ZFHX3: variants seen among roughly 807,000 people sequenced by gnomAD.
ZFHX3 encodes zinc finger homeobox protein 3.
Under a neutral mutation model 279.1 loss-of-function variants are expected in ZFHX3, and 42 were observed. The observed-to-expected ratio is 0.15, with a 90% CI of 0.12 to 0.19. The LOEUF is 0.19. ZFHX3 is among the 10% of genes least tolerant of loss of function. The pLI, the probability that ZFHX3 is intolerant of heterozygous loss-of-function variation, is 1.00. For synonymous variants in ZFHX3, 2,293 were observed against 1,957.8 expected (o/e 1.17, Z -4.52); for missense variants, 4,981 against 4,754.0 (o/e 1.05, Z -1.40).
chr16:73,417,449 T>A (rs1191163977), intron 3 of ZFHX3, among the ~76,000 whole-genome samples: 1 of 148,668 alleles, frequency 6.7e-6, no homozygotes, highest in Non-Finnish European at 1.5e-5. Flanking sequence ...CCAGTTTGTC[T>A]TCAAACTCCT....
intron 2 of ZFHX3, among the ~76,000 whole-genome samples, chr16:73,560,019 G>A (rs2143787203): frequency 6.6e-6 from 1 of 152,210 alleles, no homozygotes; most frequent in East Asian, 1.9e-4. Context: ...AAAAGGGCTT[G>A]TTTCACTTGA....
intron 3 of ZFHX3, among the ~76,000 whole-genome samples, chr16:72,895,734 G>A (rs1796172843): frequency 6.6e-6 from 1 of 152,222 alleles, no homozygotes; most frequent in Non-Finnish European, 1.5e-5. Context: ...TGAGGCAGGA[G>A]GATCACTTGA....
chr16:73,277,146 G>A (rs1201141277), intron 4 of ZFHX3, among the ~76,000 whole-genome samples: 24 of 152,200 alleles, frequency 1.6e-4, no homozygotes, highest in Non-Finnish European at 5.9e-5. Flanking sequence ...CTTGCTATGG[G>A]CTTGGCAAAC....
chr16:73,305,499 G>A (rs1285448607), intron 4 of ZFHX3, among the ~76,000 whole-genome samples: 1 of 151,968 alleles, frequency 6.6e-6, no homozygotes, highest in African/African-American at 2.4e-5. Context: ...AGACACCCCT[G>A]CAGCTTAGGA....
chr16:72,923,219 C>T (rs776743523), intron 3 of ZFHX3, among the ~76,000 whole-genome samples: 7 of 152,090 alleles, frequency 4.6e-5, no homozygotes, highest in African/African-American at 7.2e-5. Flanking sequence ...GTGGGAGGAT[C>T]GATCGCTCGA....
intron 1 of ZFHX3, among the ~76,000 whole-genome samples, chr16:73,781,322 C>T (rs964567878): frequency 3.9e-5 from 6 of 152,142 alleles, no homozygotes; most frequent in Non-Finnish European, 5.9e-5. Context: ...TTAAGCAGCT[C>T]GATTATAAGG....
chr16:73,374,725 C>T (rs1225899847), intron 3 of ZFHX3, among the ~76,000 whole-genome samples: 1 of 152,022 alleles, frequency 6.6e-6, no homozygotes, highest in Non-Finnish European at 1.5e-5. Context: ...CTCTTTTTGT[C>T]CTGGGTTTTT....
At chr16:73,688,019 G>A (rs1009987601) in intron 1 of ZFHX3, among the ~76,000 whole-genome samples, 1 of 151,990 alleles carries the variant, frequency 6.6e-6, no homozygotes, top group African/African-American at 2.4e-5. Context: ...GTGGACATGG[G>A]ACATTATGGC....
At chr16:73,739,504 CT>C in intron 1 of ZFHX3, among the ~76,000 whole-genome samples, 1 of 152,184 alleles carries the variant, frequency 6.6e-6, no homozygotes, top group Non-Finnish European at 1.5e-5. Flanking sequence ...AGGGAAATGT[CT>C]CCCCAAATTG....
At chr16:72,960,681 A>G (rs62053194) in intron 1 of ZFHX3, among the ~76,000 whole-genome samples, 10,110 of 152,222 alleles carry the variant, frequency 0.066, 367 homozygotes, top group Non-Finnish European at 0.074. Flanking sequence ...GGGAGGTTCA[A>G]TGTCCCTGGA....
At chr16:73,435,357 C>T (rs1399464019) in intron 3 of ZFHX3, among the ~76,000 whole-genome samples, 10 of 152,134 alleles carry the variant, frequency 6.6e-5, no homozygotes, top group Non-Finnish European at 1.5e-4. Flanking sequence ...TACATGCGCC[C>T]ACTACCAGGC....
intron 5 of ZFHX3, among the ~76,000 whole-genome samples, chr16:73,198,658 C>G (rs527573561): frequency 1.3e-5 from 2 of 152,236 alleles, no homozygotes; most frequent in South Asian, 4.1e-4. Flanking sequence ...ATCTAGACCT[C>G]CAGATTCAGT....
chr16:73,567,332 T>C (rs919671487), intron 2 of ZFHX3, among the ~76,000 whole-genome samples: 1 of 152,202 alleles, frequency 6.6e-6, no homozygotes, highest in Admixed American at 6.5e-5. Context: ...GGGGAAACAC[T>C]GTTCAATTTC....
chr16:73,176,470 A>G (rs760210910), intron 5 of ZFHX3, among the ~76,000 whole-genome samples: 2 of 152,184 alleles, frequency 1.3e-5, no homozygotes, highest in Non-Finnish European at 2.9e-5. Context: ...AAGCTGAGTA[A>G]CATGAGCTAA....
chr16:73,546,725 CTGCTGCTGCTGT>C (rs2020119176), intron 2 of ZFHX3, among the ~76,000 whole-genome samples: 3 of 141,356 alleles, frequency 2.1e-5, no homozygotes, highest in South Asian at 2.3e-4. Flanking sequence ...GCTGCTGCTG[CTGCTGCTGCTGT>C]TGCTTCTTTT....
intron 9 of ZFHX3, chr16:72,790,252 G>C (rs2143332988): frequency 6.5e-6 from 1 of 152,728 alleles, no homozygotes; most frequent in East Asian, 1.9e-4. Context: ...ACGATGAAAA[G>C]CTGAGAAAAC....
At chr16:73,689,014 C>G (rs2053120318) in intron 1 of ZFHX3, among the ~76,000 whole-genome samples, 1 of 152,136 alleles carries the variant, frequency 6.6e-6, no homozygotes, top group African/African-American at 2.4e-5. Flanking sequence ...TTGGGTATGT[C>G]TTTATCAGCA....
intron 2 of ZFHX3, among the ~76,000 whole-genome samples, chr16:73,467,158 G>A (rs970785328): frequency 9.2e-5 from 14 of 152,212 alleles, no homozygotes; most frequent in African/African-American, 2.7e-4. Context: ...TCATAAAAAT[G>A]GGATGAATCA....
At position 73,733,995 on chromosome 16, in the gene ZFHX3, G is replaced by A. The variant is rs1023700158; in HGVS notation, c.-1607-53755C>T. On this transcript the variant is annotated intron_variant, in intron 1 of 17. Coordinates refer to the ZFHX3 transcript ENST00000641206. ...AGACAATTTTTCCATGGATTGGGAG[G>A]TGGGGGAAGGTTTCGGTATGAAACT... Among the ~76,000 whole-genome samples the A allele has an allele frequency of 2.0e-5, 3 of 152,288 alleles. No individual in the cohort carries two copies. The South Asian group carries it at 6.2e-4, about 32-fold the overall frequency.
Sources: allele counts gnomAD v4.1 joint callset (sites outside exome capture counted in the v4.1 genomes callset), GRCh38; gene constraint gnomAD v4.1.1; transcripts MANE v1.5; gene names NCBI Gene and HGNC (gene_info 2026-07-23, HGNC 2026-07-21).